Variants in NPNT observed in about 807,000 individuals in gnomAD.
The protein encoded by NPNT is nephronectin, also known as preosteoblast EGF-like repeat protein with MAM domain.
NPNT carries 45 observed loss-of-function variants against 68.6 expected under a neutral mutation model. The observed-to-expected ratio is 0.66, with a 90% CI of 0.52 to 0.84. The LOEUF is 0.84. NPNT is among the 40% of genes least tolerant of loss of function. The pLI is 0.00. For missense variants in NPNT, 672 were observed against 714.8 expected (o/e 0.94, Z 0.68); for synonymous variants, 233 against 253.3 (o/e 0.92, Z 0.76).
intron 3 of NPNT, among the ~76,000 whole-genome samples, chr4:105,936,534 C>T (rs1429047584): frequency 6.6e-6 from 1 of 152,166 alleles, no homozygotes; most frequent in African/African-American, 2.4e-5. Context: ...CTTAAGGAGG[C>T]CAATGCCTTA....
chr4:105,933,519 A>C (rs1041194663), intron 3 of NPNT, among the ~76,000 whole-genome samples: 8 of 152,218 alleles, frequency 5.3e-5, no homozygotes, highest in Non-Finnish European at 1.0e-4. Context: ...GGGCAAAAGA[A>C]TTAATTTCGG....
At chr4:105,904,635 T>C (rs1002239271) in intron 2 of NPNT, among the ~76,000 whole-genome samples, 2 of 152,196 alleles carry the variant, frequency 1.3e-5, no homozygotes, top group African/African-American at 4.8e-5. Context: ...CGCATTCCTT[T>C]AGGAATTGCT....
intron 2 of NPNT, among the ~76,000 whole-genome samples, chr4:105,918,051 G>T (rs1182882881): frequency 6.6e-6 from 1 of 152,174 alleles, no homozygotes; most frequent in Non-Finnish European, 1.5e-5. Flanking sequence ...CAGAAAGACT[G>T]TTGTGCCATC....
chr4:105,919,737 C>A (rs1728097507), intron 2 of NPNT, among the ~76,000 whole-genome samples: 1 of 152,046 alleles, frequency 6.6e-6, no homozygotes, highest in African/African-American at 2.4e-5. Context: ...TATAGATGAT[C>A]ATCTGTTATG....
At chr4:105,952,260 T>C (rs1239023662) in intron 8 of NPNT, among the ~76,000 whole-genome samples, 1 of 152,234 alleles carries the variant, frequency 6.6e-6, no homozygotes, top group Non-Finnish European at 1.5e-5. Flanking sequence ...ACAAATTGGT[T>C]TGCAAGTGTG....
intron 3 of NPNT, among the ~76,000 whole-genome samples, chr4:105,931,543 A>T (rs1045832895): frequency 1.3e-5 from 2 of 151,916 alleles, no homozygotes; most frequent in African/African-American, 4.8e-5. Flanking sequence ...GTATGGTTCC[A>T]GCCGGGCGCC....
intron 8 of NPNT, among the ~76,000 whole-genome samples, chr4:105,948,707 A>G (rs1054473061): frequency 6.6e-6 from 1 of 152,036 alleles, no homozygotes; most frequent in African/African-American, 2.4e-5. Flanking sequence ...TGCAGCTTCA[A>G]TCTCTCAGGC....
intron 10 of NPNT, among the ~76,000 whole-genome samples, chr4:105,964,446 A>G (rs1731963465): frequency 6.6e-6 from 1 of 152,226 alleles, no homozygotes; most frequent in Admixed American, 6.5e-5. Flanking sequence ...GAGAATTTGT[A>G]TTTTGAATTT....
At chr4:105,901,981 G>C (rs528725707) in intron 2 of NPNT, among the ~76,000 whole-genome samples, 5 of 152,068 alleles carry the variant, frequency 3.3e-5, no homozygotes, top group African/African-American at 4.8e-5. Context: ...AAATGAAAAG[G>C]CTATTAGTTT....
At chr4:105,960,444 T>C (rs1295972764) in intron 10 of NPNT, among the ~76,000 whole-genome samples, 1 of 152,198 alleles carries the variant, frequency 6.6e-6, no homozygotes, top group Admixed American at 6.5e-5. Flanking sequence ...ATGGTGGTCC[T>C]CAACGCACAT....
At chr4:105,901,633 G>A (rs1308916319) in intron 2 of NPNT, among the ~76,000 whole-genome samples, 2 of 152,196 alleles carry the variant, frequency 1.3e-5, no homozygotes, top group Non-Finnish European at 2.9e-5. Context: ...GGATGGTTTT[G>A]TATCATTTAT....
At chr4:105,935,626 A>G (rs1464352391) in intron 3 of NPNT, among the ~76,000 whole-genome samples, 1 of 152,194 alleles carries the variant, frequency 6.6e-6, no homozygotes, top group Non-Finnish European at 1.5e-5. Flanking sequence ...GTCAAGAGAC[A>G]ATAAAGTAGA....
At chr4:105,925,930 T>A (rs548182460) in intron 2 of NPNT, among the ~76,000 whole-genome samples, 1 of 152,312 alleles carries the variant, frequency 6.6e-6, no homozygotes, top group South Asian at 2.1e-4. Context: ...TTCCTAGAGC[T>A]AAAGTGCATG....
rs780148947 is a variant in NPNT at position 105,942,428 on chromosome 4, G to A, written c.885G>A (p.Trp295Ter). Reference sequence around the variant, plus strand: ...TTCCTGATGTTGGAAGTACTTGGTGGCCTCCGAAGACACCATATATTCCTC... The same window carrying A: ...TTCCTGATGTTGGAAGTACTTGGTGACCTCCGAAGACACCATATATTCCTC... ...NWIPDVGSTWWPPKTPYIPPI... is the reference protein window; with the variant it reads ...NWIPDVGSTW The change falls in exon 8 of 12, where the codon TGG becomes TGA. Residue 295 changes from tryptophan (W) to a stop codon, truncating the protein, a stop_gained. Transcript: ENST00000379987. LOFTEE classifies it high-confidence loss of function. The A allele has an allele frequency of 1.2e-6, 2 of 1,613,704 alleles. No individual in the cohort carries two copies. Among genetic ancestry groups the A allele is most frequent in the Non-Finnish European group, 1.7e-6 (2 of 1,179,836 alleles).
rs1397783139 is a variant in NPNT, at chr4:105,970,619, G to A, written c.*1629G>A. 1 of 650,874 alleles carries A rather than the reference G, an allele frequency of 1.5e-6. No homozygotes were observed. Among genetic ancestry groups the A allele is most frequent in the South Asian group, 1.6e-5 (1 of 64,170 alleles). 40.3% of individuals were successfully genotyped at this position (650,874 alleles called of 1,614,324 possible). On this transcript the variant is annotated 3_prime_UTR_variant, in exon 12 of 12. Coordinates refer to ENST00000379987, the MANE Select transcript of NPNT (RefSeq NM_001033047.3). Reference sequence around the variant, plus strand: ...TATAAGGGAGCATTTCTTGGCAGGGGCCATTGTTAGAATACTTCATAAAAA... The same window carrying A: ...TATAAGGGAGCATTTCTTGGCAGGGACCATTGTTAGAATACTTCATAAAAA...
Position 105,895,644 on chromosome 4 carries a change from C to A in NPNT, c.-9C>A. ...CCACTGCGCTGCGCCCCAGGACCCG[C>A]TGCCCAACATGGATTTTCTCCTGGC... On this transcript the variant is annotated 5_prime_UTR_variant, in exon 1 of 12. In the 5' UTR this introduces an upstream ATG that the reference lacks. Coordinates refer to ENST00000379987, the MANE Select transcript of NPNT (RefSeq NM_001033047.3). 6.5e-7 allele frequency: 1 copy of A among 1,549,898 alleles called. No individual in the cohort carries two copies. The highest frequency in any genetic ancestry group is 8.7e-7 in the Non-Finnish European group (1 of 1,146,834).
chr4:105,915,938 T>C (rs1469523043), intron 2 of NPNT, among the ~76,000 whole-genome samples: 2 of 152,170 alleles, frequency 1.3e-5, no homozygotes, highest in Non-Finnish European at 2.9e-5. Context: ...AGAAAAAGAA[T>C]GTGGGATAGG....
rs575980106 is a variant in NPNT at position 105,904,806 on chromosome 4, C to T, written c.172+6805C>T. Among the ~76,000 whole-genome samples, 9 of 152,098 alleles carry T rather than the reference C, an allele frequency of 5.9e-5. No homozygotes were observed. The South Asian group carries it at 1.7e-3, about 28-fold the overall frequency. ...CAAGCAATTCTGCCTCACTCTCTCT[C>T]GAGTAGTTGGGATTACAGGTGTACA... On this transcript the variant is annotated intron_variant, in intron 2 of 11. Coordinates refer to ENST00000379987, the MANE Select transcript of NPNT (RefSeq NM_001033047.3).
At chr4:105,934,792 T>A (rs897696163) in intron 3 of NPNT, among the ~76,000 whole-genome samples, 1 of 152,202 alleles carries the variant, frequency 6.6e-6, no homozygotes, top group African/African-American at 2.4e-5. Context: ...TGACAGCACA[T>A]TGGCTTTTCT....
Sources: allele counts gnomAD v4.1 joint callset (sites outside exome capture counted in the v4.1 genomes callset), GRCh38; gene constraint gnomAD v4.1.1; transcripts MANE v1.5; gene names NCBI Gene and HGNC (gene_info 2026-07-23, HGNC 2026-07-21).